Variants in SFXN2 observed in about 807,000 individuals in gnomAD.
The protein encoded by SFXN2 is sideroflexin-2.
Under a neutral mutation model 41.9 loss-of-function variants are expected in SFXN2, and 37 were observed. That is an observed-to-expected ratio of 0.88 (90% confidence interval 0.68 to 1.16). SFXN2 has a LOEUF of 1.16. SFXN2 is among the 50% of genes most tolerant of loss of function. SFXN2 has a pLI of 0.00. For synonymous variants in SFXN2, 150 were observed against 156.7 expected, an observed-to-expected ratio of 0.96 and a Z score of 0.32; for missense variants, 386 against 425.2, an observed-to-expected ratio of 0.91 and a Z score of 0.81.
In SFXN2 at chr10:102,728,532, A is replaced by G; in HGVS notation, c.431+3A>G. On this transcript the variant is annotated splice_donor_region_variant and intron_variant, in intron 4 of 11. Transcript: ENST00000369893. ...GCGGCTTCCCCCACATCAGTCAGGTAGGAGACCTGAACCCCAGGCTGTCCT... is the reference window on the plus strand; with the variant it reads ...GCGGCTTCCCCCACATCAGTCAGGTGGGAGACCTGAACCCCAGGCTGTCCT... The G allele has an allele frequency of 6.2e-7, 1 of 1,611,790 alleles. No homozygotes were observed. The highest frequency in any genetic ancestry group is 8.5e-7 in the Non-Finnish European group (1 of 1,178,020).
At chr10:102,735,235 G>A (rs1197449034) in intron 10 of SFXN2, among the ~76,000 whole-genome samples, 2 of 129,558 alleles carry the variant, frequency 1.5e-5, no homozygotes, top group East Asian at 4.8e-4. Flanking sequence ...CCCTCTCCAT[G>A]TTGCTCCTCC....
At chr10:102,720,193 G>T (rs1017031945) in intron 1 of SFXN2, among the ~76,000 whole-genome samples, 1 of 150,706 alleles carries the variant, frequency 6.6e-6, no homozygotes, top group Non-Finnish European at 1.5e-5. Flanking sequence ...TCAGGAGGCT[G>T]AGGCAGGAGA....
In SFXN2 at chr10:102,738,889, G is replaced by A. The variant is rs2064816998; in HGVS notation, c.*1127G>A. On this transcript the variant is annotated 3_prime_UTR_variant, in exon 12 of 12. Coordinates refer to ENST00000369893, the MANE Select transcript of SFXN2 (RefSeq NM_178858.6). The stretch of plus-strand genomic sequence containing the variant: ...GCTGCCTCCCTTCCTCAGCCCATTA[G>A]GTTAAACACCAAAGAAAGACTGGTG... The A allele has an allele frequency of 6.6e-6, 1 of 152,598 alleles. No homozygotes were observed. Among genetic ancestry groups the A allele is most frequent in the South Asian group, 2.1e-4 (1 of 4,828 alleles). 9.5% of individuals were successfully genotyped at this position (152,598 alleles called of 1,614,324 possible).
intron 1 of SFXN2, among the ~76,000 whole-genome samples, chr10:102,721,281 G>A (rs1218473698): frequency 3.3e-5 from 5 of 152,094 alleles, no homozygotes; most frequent in African/African-American, 9.6e-5. Context: ...TAGGGAGGAT[G>A]AGATGGGAGG....
chr10:102,719,624 A>G (rs1466920552), intron 1 of SFXN2, among the ~76,000 whole-genome samples: 1 of 151,990 alleles, frequency 6.6e-6, no homozygotes, highest in Admixed American at 6.6e-5. Flanking sequence ...ATCGTAAATC[A>G]CCTCGATGCT....
chr10:102,726,451 G>C, intron 1 of SFXN2, 161 bp from the exon 2 acceptor site: 1 of 664,558 alleles, frequency 1.5e-6, no homozygotes, highest in South Asian at 1.9e-5. Flanking sequence ...TTGGTGCCCA[G>C]TTGCTCAATC....
Position 102,732,840 on chromosome 10 carries a change from T to C in SFXN2, c.722-19T>C, listed in dbSNP as rs1325249832. On this transcript the variant is annotated intron_variant, in intron 8 of 11. Coordinates refer to ENST00000369893, the MANE Select transcript of SFXN2 (RefSeq NM_178858.6). Reference sequence around the variant, plus strand: ...GAGCCTCCCAGCCCTCCCCTCAGCTTCTCCCTGGTCTCTTCCAGTCTTGCT... The same window carrying C: ...GAGCCTCCCAGCCCTCCCCTCAGCTCCTCCCTGGTCTCTTCCAGTCTTGCT... The C allele has an allele frequency of 1.9e-6, 3 of 1,614,048 alleles. No individual in the cohort carries two copies. Among genetic ancestry groups the C allele is most frequent in the Non-Finnish European group, 2.5e-6 (3 of 1,179,970 alleles).
At chr10:102,729,416 G>A in intron 5 of SFXN2, 22 bp downstream of exon 5, 1 of 1,612,866 alleles carries the variant, frequency 6.2e-7, no homozygotes. Context: ...GGCCGCTGCA[G>A]CATGGTGGCC....
intron 11 of SFXN2, among the ~76,000 whole-genome samples, chr10:102,736,112 A>T (rs1036886957): frequency 6.6e-6 from 1 of 152,134 alleles, no homozygotes; most frequent in Non-Finnish European, 1.5e-5. Flanking sequence ...GGGCAGGAGA[A>T]GCCAGGGACA....
At chr10:102,732,485 G>A (rs1195164229) in intron 8 of SFXN2, among the ~76,000 whole-genome samples, 3 of 152,214 alleles carry the variant, frequency 2.0e-5, no homozygotes, top group African/African-American at 7.2e-5. Context: ...GGGGTGCTAG[G>A]GAGAGTGATA....
In SFXN2 at chr10:102,734,340, C is replaced by T. The variant is rs185092317; in HGVS notation, c.821+737C>T. Among the ~76,000 whole-genome samples, 217 of 152,218 alleles carry T rather than the reference C, an allele frequency of 1.4e-3. No homozygotes were observed. Among genetic ancestry groups the T allele is most frequent in the African/African-American group, 4.9e-3 (202 of 41,546 alleles). On this transcript the variant is annotated intron_variant, in intron 10 of 11. Coordinates refer to ENST00000369893, the MANE Select transcript of SFXN2 (RefSeq NM_178858.6). The surrounding 1 kb of genome is among the most constrained non-coding windows in gnomAD (Gnocchi z 4.1). ...GCGTTCACCATGCATTTCAGGGCCACGAGACTAATGACAGCATCACTAACA... is the reference window on the plus strand; with the variant it reads ...GCGTTCACCATGCATTTCAGGGCCATGAGACTAATGACAGCATCACTAACA...
At chr10:102,735,042 C>T (rs1414889295) in intron 10 of SFXN2, among the ~76,000 whole-genome samples, 1 of 152,072 alleles carries the variant, frequency 6.6e-6, no homozygotes, top group Non-Finnish European at 1.5e-5. Flanking sequence ...TCAGAATCCA[C>T]AGACTCACTC....
chr10:102,726,750 A>G lies in SFXN2; in HGVS notation c.114A>G (p.Val38=), dbSNP rs2064601630. The G allele has an allele frequency of 1.9e-6, 3 of 1,613,994 alleles. No homozygotes were observed. Among genetic ancestry groups the G allele is most frequent in the Middle Eastern group, 1.6e-4 (1 of 6,084 alleles). Residue 38 remains valine, a synonymous_variant, in exon 2 of 12, where the codon GTA becomes GTG. Coordinates refer to ENST00000369893, the MANE Select transcript of SFXN2 (RefSeq NM_178858.6). ...LNITDPRTVF[V]SERELDWAKV... ...TCACGGACCCCCGCACTGTCTTTGT[A>G]TCTGAGCGGGAGCTGGACTGGGCCA...
chr10:102,729,932 T>A, intron 6 of SFXN2, 124 bp downstream of exon 6: 1 of 1,037,312 alleles, frequency 9.6e-7, no homozygotes, highest in Non-Finnish European at 1.4e-6. Flanking sequence ...GGGCTGAGCC[T>A]CTGAAGGGCC....
intron 1 of SFXN2, 84 bp from the exon 2 acceptor site, chr10:102,726,528 C>G: frequency 7.2e-7 from 1 of 1,382,942 alleles, no homozygotes; most frequent in Non-Finnish European, 9.9e-7. Context: ...TGAGAGCAGG[C>G]AGTCTGCAAC....
chr10:102,740,180 T>C lies in SFXN2; in HGVS notation c.*2418T>C, dbSNP rs932678124. On this transcript the variant is annotated 3_prime_UTR_variant, in exon 12 of 12. Coordinates refer to ENST00000369893, the MANE Select transcript of SFXN2 (RefSeq NM_178858.6). ...AAATATAACTCACATACCATAAACT[T>C]AGTCCTTTTAAAGTGTACAATTCAG... is the stretch of plus-strand genomic sequence containing the variant. The C allele has an allele frequency of 6.6e-6, 1 of 152,228 alleles. No individual in the cohort carries two copies. The highest frequency in any genetic ancestry group is 2.4e-5 in the African/African-American group (1 of 41,462). The allele number at this position is 152,228 out of a possible 1,614,324, so 9.4% of individuals were successfully genotyped here.
At chr10:102,716,833 T>C (rs960524795) in intron 1 of SFXN2, 1 of 152,128 alleles carries the variant, frequency 6.6e-6, no homozygotes, top group Non-Finnish European at 1.5e-5. Flanking sequence ...GCTCTCAAAG[T>C]GTTGGGATTA....
chr10:102,727,229 A>T, intron 3 of SFXN2, 72 bp downstream of exon 3: 3 of 1,447,956 alleles, frequency 2.1e-6, no homozygotes, highest in Non-Finnish European at 2.8e-6. Flanking sequence ...ATACTATGAT[A>T]ATAATAATAG....
At chr10:102,728,636 G>T in intron 4 of SFXN2, 107 bp downstream of exon 4, 1 of 909,920 alleles carries the variant, frequency 1.1e-6, no homozygotes, top group South Asian at 1.4e-5. Flanking sequence ...CTGAGCAGGT[G>T]ACCAAGTCAC....
Sources: gnomAD v4.1 joint callset for allele counts (sites outside exome capture counted in the v4.1 genomes callset) on GRCh38, gnomAD v4.1.1 for gene constraint, Gnocchi (gnomAD v3.1) non-coding constraint, MANE v1.5 for transcripts, NCBI Gene and HGNC (gene_info 2026-07-23, HGNC 2026-07-21) for gene names.